The following LCOR variants were observed in gnomAD, a reference collection of about 807,000 sequenced individuals.
The protein encoded by LCOR is ligand dependent nuclear receptor corepressor.
A neutral mutation model predicts 64.4 loss-of-function variants in LCOR; 14 were observed. The ratio of observed to expected loss-of-function variants is 0.22; its 90% CI spans 0.14 to 0.34. LCOR has a LOEUF of 0.34. Among genes scored for constraint, LCOR ranks in the 10% least tolerant of loss-of-function variants. The probability of loss-of-function intolerance (pLI) is 1.00; values close to 1 mark genes in which losing one functional copy is unlikely to be tolerated. For synonymous variants in LCOR, 643 were observed against 642.5 expected (o/e 1.00, Z -0.01); for missense variants, 1,686 against 1,765.3 (o/e 0.96, Z 0.80).
Position 96,981,015 on chromosome 10 carries a change from C to T in LCOR, c.555C>T (p.Thr185=). Residue 185 remains threonine, a synonymous_variant, in exon 8 of 8, where the codon ACC becomes ACT. Transcript: ENST00000421806. ...TCNAGCAQLS[T]KHKEKDALCL... ...ATGCTGGCTGTGCCCAGCTCAGCAC[C>T]AAACATAAGGAAAAAGATGCTCTGT... The T allele has an allele frequency of 2.8e-6, 2 of 702,996 alleles. No individual in the cohort carries two copies. The highest frequency in any genetic ancestry group is 5.2e-6 in the Non-Finnish European group (2 of 385,000). The allele number at this position is 702,996 out of a possible 1,614,324, so 43.5% of individuals were successfully genotyped here.
intron 2 of LCOR, among the ~76,000 whole-genome samples, chr10:96,842,169 G>T (rs1186623916): frequency 6.6e-6 from 1 of 152,146 alleles, no homozygotes; most frequent in East Asian, 1.9e-4. Context: ...GCCGAGGCGG[G>T]TGGATCACGA....
chr10:96,868,327 T>G (rs184474673), intron 2 of LCOR, among the ~76,000 whole-genome samples: 3 of 150,148 alleles, frequency 2.0e-5, no homozygotes, highest in African/African-American at 7.4e-5. Context: ...CAGGCTGGAG[T>G]GCAGTGGCAT....
At chr10:96,912,977 CAGTTCAAATTATCCT>C (rs1378943942) in intron 4 of LCOR, among the ~76,000 whole-genome samples, 1 of 152,074 alleles carries the variant, frequency 6.6e-6, no homozygotes, top group African/African-American at 2.4e-5. Flanking sequence ...GTTTACTTAG[CAGTTCAAATTATCCT>C]AGGCCATTTA....
intron 4 of LCOR, among the ~76,000 whole-genome samples, chr10:96,932,233 TATG>T (rs1400771385): frequency 2.0e-5 from 3 of 152,320 alleles, no homozygotes; most frequent in Admixed American, 1.3e-4. Flanking sequence ...ATAGAACTAT[TATG>T]ATGATTTTAT....
At chr10:96,876,023 A>G (rs1470562244) in intron 2 of LCOR, among the ~76,000 whole-genome samples, 1 of 151,732 alleles carries the variant, frequency 6.6e-6, no homozygotes, top group Non-Finnish European at 1.5e-5. Flanking sequence ...TAAAAAAAAA[A>G]AAAAGTAAAA....
At chr10:96,834,468 G>A (rs1391121831) in intron 2 of LCOR, among the ~76,000 whole-genome samples, 1 of 152,100 alleles carries the variant, frequency 6.6e-6, no homozygotes, top group East Asian at 1.9e-4. Flanking sequence ...TATTATGCAT[G>A]TACTAAAATG....
intron 2 of LCOR, among the ~76,000 whole-genome samples, chr10:96,889,401 C>G (rs1414193549): frequency 1.3e-5 from 2 of 152,190 alleles, no homozygotes; most frequent in African/African-American, 4.8e-5. Flanking sequence ...GTTCTGAAGG[C>G]TGGAAGTACA....
chr10:96,931,822 A>G (rs1404537221), intron 4 of LCOR, among the ~76,000 whole-genome samples: 1 of 152,248 alleles, frequency 6.6e-6, no homozygotes, highest in Admixed American at 6.5e-5. Context: ...AAAAAGTAAG[A>G]TAATAAGTAC....
At chr10:96,850,846 T>C (rs1845711146) in intron 2 of LCOR, among the ~76,000 whole-genome samples, 1 of 152,232 alleles carries the variant, frequency 6.6e-6, no homozygotes, top group Non-Finnish European at 1.5e-5. Context: ...GATGACAATC[T>C]GATGCCAGAA....
chr10:96,845,537 G>T (rs977464304), intron 2 of LCOR, among the ~76,000 whole-genome samples: 1 of 128,922 alleles, frequency 7.8e-6, no homozygotes, highest in African/African-American at 3.1e-5. Flanking sequence ...CGTGATCTTG[G>T]CTCACTGCAG....
chr10:96,842,632 C>G (rs796819216), intron 2 of LCOR, among the ~76,000 whole-genome samples: 1 of 134,382 alleles, frequency 7.4e-6, no homozygotes, highest in Non-Finnish European at 1.6e-5. Context: ...CTTTTCTTTT[C>G]TTTTTTTTTT....
At chr10:96,923,971 G>A (rs922561365) in intron 4 of LCOR, among the ~76,000 whole-genome samples, 9 of 152,264 alleles carry the variant, frequency 5.9e-5, no homozygotes, top group Admixed American at 5.2e-4. Context: ...AGAAAATTGT[G>A]TACTCTGTTT....
chr10:96,877,787 A>G, intron 2 of LCOR, among the ~76,000 whole-genome samples: 1 of 151,308 alleles, frequency 6.6e-6, no homozygotes, highest in Non-Finnish European at 1.5e-5. Flanking sequence ...AATTTTTTGT[A>G]TTTTTAGTAG....
chr10:96,842,346 A>G (rs1157703129), intron 2 of LCOR, among the ~76,000 whole-genome samples: 3 of 152,100 alleles, frequency 2.0e-5, no homozygotes, highest in Non-Finnish European at 4.4e-5. Context: ...GTGAGCCGAG[A>G]TTGCGCCTCT....
intron 4 of LCOR, among the ~76,000 whole-genome samples, chr10:96,920,434 G>GTACATATGTATATATATTCA (rs1847030330): frequency 1.6e-5 from 2 of 124,012 alleles, no homozygotes; most frequent in African/African-American, 7.1e-5. Flanking sequence ...ATATATATGT[G>GTACATATGTATATATATTCA]TATATATGTG....
At chr10:96,852,413 C>T (rs563712986) in intron 2 of LCOR, among the ~76,000 whole-genome samples, 122 of 151,978 alleles carry the variant, frequency 8.0e-4, no homozygotes, top group Non-Finnish European at 1.5e-3. Context: ...AGAGTGAGAC[C>T]CTATCTCAAA....
rs575225989 is a variant in LCOR at position 96,981,225 on chromosome 10, G to T, written c.765G>T (p.Ser255=). Residue 255 remains serine (S), a synonymous_variant, in exon 8 of 8, where the codon TCG becomes TCT. Coordinates refer to ENST00000421806, the MANE Select transcript of LCOR (RefSeq NM_001346516.2). The part of the protein sequence containing the change: ...KDSSELPTTK[S]NSINSSSVDS... ...CCTCTGAACTTCCAACCACTAAATC[G>T]AATTCTATTAATAGCAGTTCAGTGG... is the stretch of plus-strand genomic sequence containing the variant. 1 of 826,564 alleles carries T rather than the reference G, an allele frequency of 1.2e-6. No individual in the cohort carries two copies. The highest frequency in any genetic ancestry group is 2.0e-6 in the Non-Finnish European group (1 of 495,798). 51.2% of individuals were successfully genotyped at this position (826,564 alleles called of 1,614,324 possible).
chr10:96,985,020 T>C lies in LCOR; in HGVS notation c.4560T>C (p.Thr1520=), dbSNP rs746462643. 3 of 1,614,082 alleles carry C rather than the reference T, an allele frequency of 1.9e-6. No homozygotes were observed. The highest frequency in any genetic ancestry group is 2.5e-6 in the Non-Finnish European group (3 of 1,180,016). Residue 1520 remains threonine (T), a synonymous_variant, in exon 8 of 8, where the codon ACT becomes ACC. Transcript: ENST00000421806. ...ATAGGAAGCAGAGTAGTGGAAAGACTCGGGCCAGACCCTCAACGAAAACCC... is the reference window on the plus strand; with the variant it reads ...ATAGGAAGCAGAGTAGTGGAAAGACCCGGGCCAGACCCTCAACGAAAACCC... ...ATNRKQSSGK[T]RARPSTKTPE...
In LCOR at chr10:96,987,107, G is replaced by C. The variant is rs1848155477; in HGVS notation, c.*1973G>C. 6.6e-6 allele frequency: 1 copy of C among 152,076 alleles called. No individual in the cohort carries two copies. Among genetic ancestry groups the C allele is most frequent in the African/African-American group, 2.4e-5 (1 of 41,396 alleles). 9.4% of individuals were successfully genotyped at this position (152,076 alleles called of 1,614,324 possible). ...AGTATCTTTGACTTTGGCCATTCAA[G>C]AGCTACCTACATTAATAAAACTGCT... On this transcript the variant is annotated 3_prime_UTR_variant, in exon 8 of 8. Transcript: ENST00000421806.
Sources: gnomAD v4.1 joint callset for allele counts (sites outside exome capture counted in the v4.1 genomes callset) on GRCh38, gnomAD v4.1.1 for gene constraint, MANE v1.5 for transcripts, NCBI Gene and HGNC (gene_info 2026-07-23, HGNC 2026-07-21) for gene names.